NCKAP1: variants seen among roughly 807,000 people sequenced by gnomAD.
NCKAP1 encodes NCK associated protein 1.
Under a neutral mutation model 151.2 loss-of-function variants are expected in NCKAP1, and 21 were observed. The observed-to-expected ratio is 0.14, with a 90% CI of 0.10 to 0.20. The LOEUF (loss-of-function observed/expected upper bound fraction) is 0.20. NCKAP1 is among the 10% of genes least tolerant of loss of function. NCKAP1 has a pLI of 1.00. For missense variants in NCKAP1, 933 were observed against 1,352.1 expected (o/e 0.69, Z 4.86); for synonymous variants, 484 against 451.8 (o/e 1.07, Z -0.90).
intron 14 of NCKAP1, among the ~76,000 whole-genome samples, chr2:182,977,306 G>A (rs1217705652): frequency 2.6e-5 from 4 of 151,868 alleles, no homozygotes; most frequent in Non-Finnish European, 4.4e-5. Flanking sequence ...CCTGGCCAAC[G>A]TAGTGAAACC....
intron 2 of NCKAP1, among the ~76,000 whole-genome samples, chr2:183,010,066 AC>A (rs1698563535): frequency 6.6e-6 from 1 of 152,228 alleles, no homozygotes; most frequent in South Asian, 2.1e-4. Context: ...TCTGGAATGC[AC>A]AAAGAGTTTT....
Position 182,952,399 on chromosome 2 carries a change from T to A in NCKAP1, c.2601+6A>T. The A allele has an allele frequency of 6.4e-7, 1 of 1,571,840 alleles. No homozygotes were observed. The highest frequency in any genetic ancestry group is 8.7e-7 in the Non-Finnish European group (1 of 1,152,300). On this transcript the variant is annotated splice_donor_region_variant and intron_variant, in intron 23 of 30. Transcript: ENST00000361354. ...TAAAAGCTAAAATTAATAAAGACTATATTACCTTAAGTTCAGCAACTTGTG... is the reference window on the plus strand; with the variant it reads ...TAAAAGCTAAAATTAATAAAGACTAAATTACCTTAAGTTCAGCAACTTGTG...
At position 182,910,059 on chromosome 2, in the gene NCKAP1, C is replaced by CT. The variant is rs1696362786; in HGVS notation, c.*15642dup. ...TTCTAAGGAGTTCAACCGCTGAGCC[C>CT]TAGAGTTAAGGAGAAACAGTGGTTT... is the stretch of plus-strand genomic sequence containing the variant. On this transcript the variant is annotated 3_prime_UTR_variant, in exon 31 of 31. Coordinates refer to ENST00000361354, the MANE Select transcript of NCKAP1 (RefSeq NM_013436.5). 6.6e-6 allele frequency: 1 copy of CT among 152,208 alleles called. No individual in the cohort carries two copies. The highest frequency in any genetic ancestry group is 1.5e-5 in the Non-Finnish European group (1 of 68,056). 9.4% of individuals were successfully genotyped at this position (152,208 alleles called of 1,614,324 possible). A position where few individuals can be genotyped will look rare whatever the true frequency, so the allele number is the denominator to read the frequency against.
Position 182,925,216 on chromosome 2 carries a change from T to C in NCKAP1, c.*486A>G, listed in dbSNP as rs1169137011. The C allele has an allele frequency of 1.3e-5, 2 of 152,180 alleles. No homozygotes were observed. Among genetic ancestry groups the C allele is most frequent in the Non-Finnish European group, 2.9e-5 (2 of 68,008 alleles). 9.4% of individuals were successfully genotyped at this position (152,180 alleles called of 1,614,324 possible). ...GTGTTACAGTATTTAGTTTGGCAAA[T>C]GTTTCAAAATAAAGTAGAAATGTAT... is the stretch of plus-strand genomic sequence containing the variant. On this transcript the variant is annotated 3_prime_UTR_variant, in exon 31 of 31. Transcript: ENST00000361354.
In NCKAP1 at chr2:182,956,513, G is replaced by C. The variant is rs1315375926; in HGVS notation, c.2102C>G (p.Thr701Ser). ...AGTCAAATATTCTCGTGGGGTAAAGGTATGTTCCCATACCACCATGTTTGG... is the reference window on the plus strand; with the variant it reads ...AGTCAAATATTCTCGTGGGGTAAAGCTATGTTCCCATACCACCATGTTTGG... The part of the protein sequence containing the change: ...YVPNMVVWEH[T>S]FTPREYLTSH... Residue 701 changes from threonine to serine, a missense_variant, in exon 20 of 31, where the codon ACC (threonine) becomes AGC (serine). By Grantham distance (58) the Thr-to-Ser change is moderately conservative (BLOSUM62 1). This residue lies in a region of NCKAP1 where 326 missense variants were observed against 557.1 expected (regional missense o/e 0.59). Coordinates refer to ENST00000361354, the MANE Select transcript of NCKAP1 (RefSeq NM_013436.5). 2 of 1,611,008 alleles carry C rather than the reference G, an allele frequency of 1.2e-6. No individual in the cohort carries two copies. Among genetic ancestry groups the C allele is most frequent in the Admixed American group, 1.7e-5 (1 of 59,772 alleles).
In NCKAP1 at chr2:182,958,478, T is replaced by C. The variant is rs548793523; in HGVS notation, c.1882-882A>G. Among the ~76,000 whole-genome samples, 4 of 152,250 alleles carry C rather than the reference T, an allele frequency of 2.6e-5. No individual in the cohort carries two copies. The East Asian group carries it at 7.7e-4, about 29-fold the overall frequency. On this transcript the variant is annotated intron_variant, in intron 18 of 30. Transcript: ENST00000361354. ...TAATTTTCTAAGGATAACTCTGATA[T>C]TGGCAGAAGAAAACACTGAAAAAGG... is the stretch of plus-strand genomic sequence containing the variant.
chr2:182,914,963 T>A lies in NCKAP1; in HGVS notation c.*10739A>T, dbSNP rs949202508. 6.6e-6 allele frequency: 1 copy of A among 152,176 alleles called. No homozygotes were observed. The highest frequency in any genetic ancestry group is 1.5e-5 in the Non-Finnish European group (1 of 68,044). 9.4% of individuals were successfully genotyped at this position (152,176 alleles called of 1,614,324 possible). On this transcript the variant is annotated 3_prime_UTR_variant, in exon 31 of 31. Coordinates refer to ENST00000361354, the MANE Select transcript of NCKAP1 (RefSeq NM_013436.5). ...GTGAAAAAACCAAGAGCAGATGTGA[T>A]CATTTAAGCTGGGAATGCAGCCATA...
At chr2:182,955,697 C>T (rs944416653) in intron 20 of NCKAP1, among the ~76,000 whole-genome samples, 1 of 152,152 alleles carries the variant, frequency 6.6e-6, no homozygotes. Context: ...CAAGTCAATA[C>T]ACATGCATAC....
rs765418272 is a variant in NCKAP1, at chr2:183,023,935, A to C, written c.109-19T>G. On this transcript the variant is annotated intron_variant, in intron 1 of 30. Transcript: ENST00000361354. ...CACATGCCTATAAAACAACAGTAAT[A>C]AAAAAAAGTGAAATGCACCCTTCTT... 2 of 1,500,492 alleles carry C rather than the reference A, an allele frequency of 1.3e-6. No individual in the cohort carries two copies. The highest frequency in any genetic ancestry group is 4.0e-5 in the Admixed American group (2 of 50,112). The allele number at this position is 1,500,492 out of a possible 1,614,324, so 92.9% of individuals were successfully genotyped here. A position where few individuals can be genotyped will look rare whatever the true frequency, so the allele number is the denominator to read the frequency against.
In NCKAP1 at chr2:182,909,700, T is replaced by A. The variant is rs1458320218; in HGVS notation, c.*16002A>T. On this transcript the variant is annotated 3_prime_UTR_variant, in exon 31 of 31. Transcript: ENST00000361354. ...AAGCCAAGGTTTCCTTGAGAAGATA[T>A]TTAGGGCACAGGACACCAAAATACA... 2 of 152,212 alleles carry A rather than the reference T, an allele frequency of 1.3e-5. No individual in the cohort carries two copies. The highest frequency in any genetic ancestry group is 2.9e-5 in the Non-Finnish European group (2 of 68,048). The allele number at this position is 152,212 out of a possible 1,614,324, so 9.4% of individuals were successfully genotyped here. A position where few individuals can be genotyped will look rare whatever the true frequency, so the allele number is the denominator to read the frequency against.
chr2:182,923,135 A>G lies in NCKAP1; in HGVS notation c.*2567T>C, dbSNP rs1246019620. 1 of 152,368 alleles carries G rather than the reference A, an allele frequency of 6.6e-6. No homozygotes were observed. Among genetic ancestry groups the G allele is most frequent in the South Asian group, 2.1e-4 (1 of 4,830 alleles). 9.4% of individuals were successfully genotyped at this position (152,368 alleles called of 1,614,324 possible). ...AATACTTGCTTAAATAAGTGAATGA[A>G]AAAGCAGCAGAAAGGAAGCAATTTT... On this transcript the variant is annotated 3_prime_UTR_variant, in exon 31 of 31. Transcript: ENST00000361354.
At chr2:182,944,471 T>C (rs1379172289) in intron 23 of NCKAP1, among the ~76,000 whole-genome samples, 3 of 152,138 alleles carry the variant, frequency 2.0e-5, no homozygotes, top group South Asian at 4.2e-4. Context: ...GAAGGAGAAA[T>C]GGACTCAACG....
In NCKAP1 at chr2:182,916,413, T is replaced by G. The variant is rs1696469864; in HGVS notation, c.*9289A>C. ...CTGAGAGTTACACAGGGTAGGAAAT[T>G]TGACTAAACAGACAGAAAGATGAAA... On this transcript the variant is annotated 3_prime_UTR_variant, in exon 31 of 31. Transcript: ENST00000361354. 6.6e-6 allele frequency: 1 copy of G among 152,150 alleles called. No homozygotes were observed. The highest frequency in any genetic ancestry group is 2.1e-4 in the South Asian group (1 of 4,828). The allele number at this position is 152,150 out of a possible 1,614,324, so 9.4% of individuals were successfully genotyped here.
At chr2:183,024,281 GTTTC>G (rs530397234) in intron 1 of NCKAP1, among the ~76,000 whole-genome samples, 33 of 152,252 alleles carry the variant, frequency 2.2e-4, no homozygotes, top group South Asian at 1.7e-3. Flanking sequence ...TACTAGACAT[GTTTC>G]TTTCTAAGTG....
At position 182,916,842 on chromosome 2, in the gene NCKAP1, T is replaced by C. The variant is rs904988324; in HGVS notation, c.*8860A>G. On this transcript the variant is annotated 3_prime_UTR_variant, in exon 31 of 31. Transcript: ENST00000361354. ...GTCTTAAAATTAATTTTAGCATCGT[T>C]TTCTGTTAAAGTTACATGACAGGGA... The C allele has an allele frequency of 6.6e-6, 1 of 152,204 alleles. No individual in the cohort carries two copies. The highest frequency in any genetic ancestry group is 2.4e-5 in the African/African-American group (1 of 41,446). The allele number at this position is 152,204 out of a possible 1,614,324, so 9.4% of individuals were successfully genotyped here. A position where few individuals can be genotyped will look rare whatever the true frequency, so the allele number is the denominator to read the frequency against.
intron 26 of NCKAP1, among the ~76,000 whole-genome samples, chr2:182,932,819 CTTAACT>C (rs938766228): frequency 1.3e-5 from 2 of 151,988 alleles, no homozygotes; most frequent in Admixed American, 1.3e-4. Flanking sequence ...TTTTTGTCTC[CTTAACT>C]TTATTTTTTC....
At chr2:183,017,667 C>T (rs1007424854) in intron 2 of NCKAP1, among the ~76,000 whole-genome samples, 10 of 151,986 alleles carry the variant, frequency 6.6e-5, no homozygotes, top group African/African-American at 2.4e-4. Context: ...GGTTGGGGAC[C>T]CTGATCTAGA....
At position 182,976,896 on chromosome 2, in the gene NCKAP1, TA is replaced by T; in HGVS notation, c.1478del (p.Leu493TyrfsTer23). On this transcript the variant is annotated frameshift_variant, in exon 15 of 31. Transcript: ENST00000361354. LOFTEE classifies it high-confidence loss of function. ...GACAATAAAAGGTTATTCTTACCTG[TA>T]ACCTAAACCAATCTAATCTCATTCC... Reference protein sequence around the residue: ...FRGMRLDWFRLQAYTSVSKAS... With the variant: ...FRGMRLDWFRXQAYTSVSKAS... 6.6e-7 allele frequency: 1 copy of T among 1,525,288 alleles called. No individual in the cohort carries two copies. The highest frequency in any genetic ancestry group is 8.8e-7 in the Non-Finnish European group (1 of 1,135,546). The allele number at this position is 1,525,288 out of a possible 1,614,324, so 94.5% of individuals were successfully genotyped here.
Position 182,915,923 on chromosome 2 carries a change from T to A in NCKAP1, c.*9779A>T, listed in dbSNP as rs1459604530. ...TTTGCTACGTGGAATGCCTTTTTGA[T>A]CTATTGCCAATGCTTTCACCTTTTG... On this transcript the variant is annotated 3_prime_UTR_variant, in exon 31 of 31. Coordinates refer to ENST00000361354, the MANE Select transcript of NCKAP1 (RefSeq NM_013436.5). 2 of 152,104 alleles carry A rather than the reference T, an allele frequency of 1.3e-5. No homozygotes were observed. Among genetic ancestry groups the A allele is most frequent in the African/African-American group, 4.8e-5 (2 of 41,436 alleles). The allele number at this position is 152,104 out of a possible 1,614,324, so 9.4% of individuals were successfully genotyped here.
Sources: allele counts gnomAD v4.1 joint callset (sites outside exome capture counted in the v4.1 genomes callset), GRCh38; gene constraint gnomAD v4.1.1; regional missense constraint gnomAD v4.1.1; transcripts MANE v1.5; gene names NCBI Gene and HGNC (gene_info 2026-07-23, HGNC 2026-07-21).